Variants in PRAG1 observed in about 807,000 individuals in gnomAD.
PRAG1 encodes PEAK1 related, kinase-activating pseudokinase 1.
Under a neutral mutation model 95.6 loss-of-function variants are expected in PRAG1, and 110 were observed. That is an observed-to-expected ratio of 1.15 (90% CI 0.99 to 1.35). PRAG1 has a LOEUF of 1.35. PRAG1 is among the 40% of genes most tolerant of loss of function. PRAG1 has a pLI of 0.00. For synonymous variants in PRAG1, 1,052 were observed against 819.4 expected (o/e 1.28, Z -4.85); for missense variants, 2,554 against 1,864.7 (o/e 1.37, Z -6.81).
intron 3 of PRAG1, 97 bp downstream of exon 3, chr8:8,376,150 T>C: frequency 4.7e-6 from 7 of 1,493,524 alleles, no homozygotes; most frequent in Non-Finnish European, 6.3e-6. Flanking sequence ...GGGCAGATTC[T>C]GGGACCTGGG....
At chr8:8,325,443 T>C (rs1798605558) in intron 5 of PRAG1, among the ~76,000 whole-genome samples, 1 of 152,210 alleles carries the variant, frequency 6.6e-6, no homozygotes, top group Non-Finnish European at 1.5e-5. Context: ...GCTTATCTTT[T>C]GGTTTCTGTG....
At chr8:8,370,502 T>C (rs761455333) in intron 3 of PRAG1, among the ~76,000 whole-genome samples, 4 of 152,230 alleles carry the variant, frequency 2.6e-5, no homozygotes, top group Non-Finnish European at 5.9e-5. Context: ...CAAACTGTGA[T>C]TTTCAAAATG....
chr8:8,362,457 C>A (rs559570939), intron 3 of PRAG1, among the ~76,000 whole-genome samples: 1 of 152,154 alleles, frequency 6.6e-6, no homozygotes, highest in Admixed American at 6.6e-5. Context: ...CATCCTTTCC[C>A]GTGTTGCTGA....
Position 8,318,397 on chromosome 8 carries a change from C to A in PRAG1, c.3978G>T (p.Gln1326His). 1 of 1,613,456 alleles carries A rather than the reference C, an allele frequency of 6.2e-7. No individual in the cohort carries two copies. Reference sequence around the variant, plus strand: ...CGCGCCGAGGCCCCCACAGCAGGCACTGCAGCACGCGCTTGGCCTCGCCGA... The same window carrying A: ...CGCGCCGAGGCCCCCACAGCAGGCAATGCAGCACGCGCTTGGCCTCGCCGA... ...IRIGEAKRVL[Q>H]CLLWGPRREL... The change falls in exon 6 of 6, where the codon CAG becomes CAT. Residue 1326 changes from glutamine to histidine, a missense_variant. Transcript: ENST00000615670. This position sits in a 1 kb window ranked among gnomAD's most constrained non-coding sequence, Gnocchi z 4.2.
intron 3 of PRAG1, among the ~76,000 whole-genome samples, chr8:8,344,763 T>C (rs1028431353): frequency 8.5e-5 from 13 of 152,156 alleles, no homozygotes; most frequent in Non-Finnish European, 1.5e-5. Flanking sequence ...TGTTGATCTG[T>C]TGTTGCGCCT....
At chr8:8,339,782 C>T in intron 3 of PRAG1, 147 bp from the exon 4 acceptor site, 2 of 720,656 alleles carry the variant, frequency 2.8e-6, no homozygotes, top group African/African-American at 1.8e-5. Context: ...TTTGGGGAGA[C>T]AGTAGAGGTT....
intron 3 of PRAG1, among the ~76,000 whole-genome samples, chr8:8,373,897 A>G (rs1443156612): frequency 2.6e-5 from 4 of 152,184 alleles, no homozygotes; most frequent in Admixed American, 1.3e-4. Context: ...CTCTGATCTC[A>G]ACCCAGATGC....
intron 5 of PRAG1, 96 bp downstream of exon 5, chr8:8,327,614 G>A: frequency 7.3e-7 from 1 of 1,371,124 alleles, no homozygotes. Context: ...CCCTCCTAAT[G>A]CCCAGACAGG....
chr8:8,382,279 T>C (rs938504191), intron 1 of PRAG1, among the ~76,000 whole-genome samples: 3 of 152,104 alleles, frequency 2.0e-5, no homozygotes, highest in Non-Finnish European at 4.4e-5. Flanking sequence ...ATAAAAACAA[T>C]GGCTTTTGGA....
intron 5 of PRAG1, 112 bp from the exon 6 acceptor site, chr8:8,319,414 A>C: frequency 1.2e-6 from 1 of 820,510 alleles, no homozygotes; most frequent in Non-Finnish European, 1.8e-6. Flanking sequence ...CATAGGCTTA[A>C]GGGTAAGAGC....
At chr8:8,363,572 C>G (rs1914826) in intron 3 of PRAG1, among the ~76,000 whole-genome samples, 2 of 151,920 alleles carry the variant, frequency 1.3e-5, no homozygotes, top group African/African-American at 4.8e-5. Flanking sequence ...AAGGGAGAAA[C>G]AGGAAGTTGT....
intron 3 of PRAG1, among the ~76,000 whole-genome samples, chr8:8,353,700 G>C (rs1008722332): frequency 3.3e-5 from 5 of 152,098 alleles, no homozygotes; most frequent in Non-Finnish European, 7.4e-5. Flanking sequence ...CCAGTACTTT[G>C]GGAGGCCAAG....
At chr8:8,368,764 C>A (rs1217623789) in intron 3 of PRAG1, among the ~76,000 whole-genome samples, 1 of 152,076 alleles carries the variant, frequency 6.6e-6, no homozygotes, top group East Asian at 1.9e-4. Flanking sequence ...TCCAATGCAC[C>A]TGACAAAGCA....
intron 5 of PRAG1, among the ~76,000 whole-genome samples, chr8:8,320,883 G>A (rs1482093010): frequency 2.0e-5 from 3 of 152,190 alleles, no homozygotes; most frequent in South Asian, 2.1e-4. Context: ...GCATACAAGA[G>A]CTTGGCCTCC....
In PRAG1 at chr8:8,319,308, GAGA is replaced by G. The variant is rs751588526; in HGVS notation, c.3073-9_3073-7del. 39 of 1,500,962 alleles carry G rather than the reference GAGA, an allele frequency of 2.6e-5. No individual in the cohort carries two copies. Among genetic ancestry groups the G allele is most frequent in the Admixed American group, 2.5e-4 (11 of 43,804 alleles). 93.0% of individuals were successfully genotyped at this position (1,500,962 alleles called of 1,614,324 possible). On this transcript the variant is annotated splice_region_variant and splice_polypyrimidine_tract_variant and intron_variant, in intron 5 of 5. Transcript: ENST00000615670. Reference sequence around the variant, plus strand: ...GGCTCAGGGGCTTTGCAGATCTGTGGAGAGAAGAAGAAGTGAAATCAAGAGTGG... The same window carrying G: ...GGCTCAGGGGCTTTGCAGATCTGTGGGAAGAAGAAGTGAAATCAAGAGTGG...
chr8:8,345,046 G>GGTGT (rs57329300), intron 3 of PRAG1, among the ~76,000 whole-genome samples: 5,799 of 133,962 alleles, frequency 0.043, 131 homozygotes, highest in Middle Eastern at 0.078. Context: ...TTATCCGCAG[G>GGTGT]GTGTGTGTGT....
At chr8:8,363,093 G>GTA (rs60223631) in intron 3 of PRAG1, among the ~76,000 whole-genome samples, 27,115 of 142,140 alleles carry the variant, frequency 0.19, 2,614 homozygotes, top group East Asian at 0.29. Context: ...GTGTGCGTGT[G>GTA]TATATATATA....
intron 5 of PRAG1, 70 bp from the exon 6 acceptor site, chr8:8,319,372 A>G: frequency 2.3e-6 from 3 of 1,332,930 alleles, no homozygotes; most frequent in African/African-American, 1.5e-5. Flanking sequence ...GTGTGGAAAC[A>G]TTTGAGTATC....
intron 5 of PRAG1, among the ~76,000 whole-genome samples, chr8:8,322,778 A>G (rs1479979059): frequency 6.6e-6 from 1 of 152,118 alleles, no homozygotes; most frequent in Non-Finnish European, 1.5e-5. Context: ...AACTCTCTCA[A>G]CCAAGTGCCA....
Sources: allele counts gnomAD v4.1 joint callset (sites outside exome capture counted in the v4.1 genomes callset), GRCh38; gene constraint gnomAD v4.1.1; non-coding constraint Gnocchi (gnomAD v3.1); transcripts MANE v1.5; gene names NCBI Gene and HGNC (gene_info 2026-07-23, HGNC 2026-07-21).